PBX1: variants seen among roughly 807,000 people sequenced by gnomAD.
PBX1 encodes pre-B-cell leukemia transcription factor 1.
A neutral mutation model predicts 53.4 loss-of-function variants in PBX1; 6 were observed. The observed-to-expected ratio is 0.11, with a 90% CI of 0.06 to 0.22. The LOEUF (loss-of-function observed/expected upper bound fraction) is 0.22, where lower values mean the gene tolerates loss of function less well. Among genes scored for constraint, PBX1 ranks in the 10% least tolerant of loss-of-function variants. PBX1 has a pLI of 1.00. For synonymous variants in PBX1, 204 were observed against 212.3 expected (o/e 0.96, Z 0.34); for missense variants, 251 against 551.4 (o/e 0.46, Z 5.46).
At chr1:164,842,021 C>T (rs1308298741) in intron 8 of PBX1, among the ~76,000 whole-genome samples, 1 of 152,178 alleles carries the variant, frequency 6.6e-6, no homozygotes, top group Non-Finnish European at 1.5e-5. Flanking sequence ...CTTGGGCTGT[C>T]ACATCAGGTG....
intron 2 of PBX1, among the ~76,000 whole-genome samples, chr1:164,711,307 A>G (rs1663754751): frequency 6.6e-6 from 1 of 152,188 alleles, no homozygotes; most frequent in South Asian, 2.1e-4. Context: ...TCTGTCGCCC[A>G]TGCTGGAGTG....
intron 2 of PBX1, among the ~76,000 whole-genome samples, chr1:164,872,094 T>C (rs1672397089): frequency 6.6e-6 from 1 of 152,198 alleles, no homozygotes; most frequent in African/African-American, 2.4e-5. Flanking sequence ...TTCTCCCTAG[T>C]GAAAAATGCA....
intron 4 of PBX1, among the ~76,000 whole-genome samples, chr1:164,806,816 C>CCA (rs1040845115): frequency 2.0e-5 from 3 of 152,182 alleles, no homozygotes; most frequent in Non-Finnish European, 4.4e-5. Flanking sequence ...GTAGCAGCTG[C>CCA]CACGTGTTGG....
intron 8 of PBX1, among the ~76,000 whole-genome samples, chr1:164,822,643 T>G (rs1277106656): frequency 6.6e-6 from 1 of 152,190 alleles, no homozygotes; most frequent in African/African-American, 2.4e-5. Flanking sequence ...TAAGAGAATA[T>G]CAGTTATTTC....
intron 2 of PBX1, among the ~76,000 whole-genome samples, chr1:164,786,720 T>TGTGTGTGTGTGTGTGCGCGCGCGCGCGC (rs1357886882): frequency 2.6e-5 from 3 of 116,252 alleles, no homozygotes; most frequent in African/African-American, 1.0e-4. Context: ...TGTGTGTGTG[T>TGTGTGTGTGTGTGTGCGCGCGCGCGCGC]GCGCGCGCAC....
chr1:164,758,470 G>A (rs1395108828), intron 2 of PBX1, among the ~76,000 whole-genome samples: 1 of 152,074 alleles, frequency 6.6e-6, no homozygotes, highest in Non-Finnish European at 1.5e-5. Flanking sequence ...CAGAGTGGAG[G>A]ACATAGAGAT....
chr1:164,833,299 A>G (rs1253972126), intron 8 of PBX1, among the ~76,000 whole-genome samples: 1 of 152,174 alleles, frequency 6.6e-6, no homozygotes, highest in East Asian at 1.9e-4. Flanking sequence ...TGCGGTTGAA[A>G]AACACCCAGT....
chr1:164,722,104 A>C (rs114831526), intron 2 of PBX1, among the ~76,000 whole-genome samples: 1 of 152,264 alleles, frequency 6.6e-6, no homozygotes, highest in African/African-American at 2.4e-5. Flanking sequence ...CTGTCTGTCT[A>C]TGCCTGGCTG....
chr1:164,658,118 T>C (rs1386236932), intron 2 of PBX1, among the ~76,000 whole-genome samples: 1 of 145,920 alleles, frequency 6.9e-6, no homozygotes, highest in Non-Finnish European at 1.5e-5. Context: ...TCTTAACTCA[T>C]AATGGCATTC....
intron 2 of PBX1, among the ~76,000 whole-genome samples, chr1:164,580,242 C>T (rs912850552): frequency 3.3e-5 from 5 of 152,174 alleles, no homozygotes; most frequent in African/African-American, 9.7e-5. Context: ...TCCTGATTTT[C>T]ATTAGGCCTC....
intron 2 of PBX1, among the ~76,000 whole-genome samples, chr1:164,697,269 A>G (rs1446946791): frequency 6.6e-6 from 1 of 152,216 alleles, no homozygotes; most frequent in Non-Finnish European, 1.5e-5. Context: ...AGGGATTAGA[A>G]CCTAGGTTGA....
chr1:164,678,806 C>T (rs959224483), intron 2 of PBX1, among the ~76,000 whole-genome samples: 17 of 152,088 alleles, frequency 1.1e-4, no homozygotes, highest in African/African-American at 3.6e-4. Flanking sequence ...CATCCTCAGT[C>T]GGCATGGTAG....
intron 2 of PBX1, among the ~76,000 whole-genome samples, chr1:164,741,706 A>G (rs955482379): frequency 6.6e-6 from 1 of 150,684 alleles, no homozygotes; most frequent in African/African-American, 2.4e-5. Context: ...TGAAACTGGT[A>G]TCCTAGGAGG....
At chr1:164,635,169 A>G (rs1478971322) in intron 2 of PBX1, among the ~76,000 whole-genome samples, 1 of 152,134 alleles carries the variant, frequency 6.6e-6, no homozygotes, top group African/African-American at 2.4e-5. Context: ...CTGAATATAC[A>G]GCAGTTCATC....
At chr1:164,864,530 A>G (rs979437077) in intron 2 of PBX1, among the ~76,000 whole-genome samples, 2 of 152,078 alleles carry the variant, frequency 1.3e-5, no homozygotes, top group Non-Finnish European at 2.9e-5. Flanking sequence ...CCCAACCCCA[A>G]CTGTCTTCAG....
At chr1:164,765,546 C>T (rs1480364902) in intron 2 of PBX1, among the ~76,000 whole-genome samples, 1 of 152,170 alleles carries the variant, frequency 6.6e-6, no homozygotes, top group Non-Finnish European at 1.5e-5. Context: ...GAGAAGGCAG[C>T]TAACACTTAC....
intron 2 of PBX1, among the ~76,000 whole-genome samples, chr1:164,616,194 G>A (rs1479394965): frequency 6.6e-6 from 1 of 152,050 alleles, no homozygotes; most frequent in Non-Finnish European, 1.5e-5. Flanking sequence ...GGATGATTCC[G>A]TGTGTCAACA....
intron 2 of PBX1, among the ~76,000 whole-genome samples, chr1:164,611,970 C>T (rs996822284): frequency 1.3e-5 from 2 of 152,150 alleles, no homozygotes; most frequent in African/African-American, 4.8e-5. Flanking sequence ...CCAGCCTCCC[C>T]TTGGCCCATT....
chr1:164,707,418 T>TGTGTGAGAGAGAGAGAGAGAGA (rs58617739), intron 2 of PBX1, among the ~76,000 whole-genome samples: 37 of 118,254 alleles, frequency 3.1e-4, no homozygotes, highest in African/African-American at 1.4e-3. Context: ...TGTGTGTGTG[T>TGTGTGAGAGAGAGAGAGAGAGA]GAGAGAGAGA....
Sources: allele counts gnomAD v4.1 joint callset (sites outside exome capture counted in the v4.1 genomes callset), GRCh38; gene constraint gnomAD v4.1.1; transcripts MANE v1.5; gene names NCBI Gene and HGNC (gene_info 2026-07-23, HGNC 2026-07-21).